The following TMEM232 variants were observed in gnomAD, a reference collection of about 807,000 sequenced individuals.
The protein encoded by TMEM232 is transmembrane protein 232.
In TMEM232, 80 loss-of-function variants were observed where a neutral mutation model predicts 78.8. That is an observed-to-expected ratio of 1.01 (90% CI 0.85 to 1.22). TMEM232 has a LOEUF of 1.22. Among genes scored for constraint, TMEM232 ranks in the 50% most tolerant of loss-of-function variants. The probability of loss-of-function intolerance (pLI) is 0.00; values close to 1 mark genes in which losing one functional copy is unlikely to be tolerated. For synonymous variants in TMEM232, 297 were observed against 254.3 expected, an observed-to-expected ratio of 1.17 and a Z score of -1.60; for missense variants, 881 against 742.2, an observed-to-expected ratio of 1.19 and a Z score of -2.17.
intron 10 of TMEM232, among the ~76,000 whole-genome samples, chr5:110,602,295 T>C (rs1781011344): frequency 6.6e-6 from 1 of 151,792 alleles, no homozygotes; most frequent in African/African-American, 2.4e-5. Flanking sequence ...AATTGACAAA[T>C]GGGATCTAAT....
intron 11 of TMEM232, among the ~76,000 whole-genome samples, chr5:110,559,857 C>T (rs530436157): frequency 3.3e-4 from 50 of 152,226 alleles, no homozygotes; most frequent in African/African-American, 1.1e-3. Flanking sequence ...TCTCTTCTAG[C>T]TTCTAGTGAT....
intron 12 of TMEM232, among the ~76,000 whole-genome samples, chr5:110,458,554 G>A (rs999170394): frequency 1.3e-5 from 2 of 152,082 alleles, no homozygotes; most frequent in African/African-American, 2.4e-5. Flanking sequence ...TGAAACTACG[G>A]CACTAAGCCT....
At chr5:110,611,231 A>C (rs1235136581) in intron 8 of TMEM232, among the ~76,000 whole-genome samples, 1 of 152,176 alleles carries the variant, frequency 6.6e-6, no homozygotes, top group Non-Finnish European at 1.5e-5. Flanking sequence ...GTTACTGCAC[A>C]TGGAGAAGAG....
At chr5:110,710,669 T>C (rs926236848) in intron 1 of TMEM232, among the ~76,000 whole-genome samples, 1 of 152,072 alleles carries the variant, frequency 6.6e-6, no homozygotes, top group African/African-American at 2.4e-5. Flanking sequence ...ATTGGTGAGA[T>C]GATTGATAAA....
intron 10 of TMEM232, among the ~76,000 whole-genome samples, chr5:110,593,168 C>T (rs1254932062): frequency 6.6e-6 from 1 of 152,102 alleles, no homozygotes; most frequent in African/African-American, 2.4e-5. Flanking sequence ...AGGAAGAAAG[C>T]TCACATAATA....
chr5:110,683,652 C>G (rs369543082), intron 1 of TMEM232, among the ~76,000 whole-genome samples: 1 of 151,382 alleles, frequency 6.6e-6, no homozygotes, highest in African/African-American at 2.4e-5. Context: ...TATTATTATG[C>G]CTTTTTAGAG....
intron 12 of TMEM232, among the ~76,000 whole-genome samples, chr5:110,490,189 GAAA>G (rs1764925907): frequency 1.4e-5 from 2 of 141,774 alleles, no homozygotes; most frequent in Non-Finnish European, 3.1e-5. Flanking sequence ...AAGAAAGAAA[GAAA>G]AAGTTAATTG....
chr5:110,587,051 T>G (rs1350093390), intron 10 of TMEM232, among the ~76,000 whole-genome samples: 1 of 152,096 alleles, frequency 6.6e-6, no homozygotes, highest in Non-Finnish European at 1.5e-5. Flanking sequence ...AAAGCAGTAT[T>G]AGACAAATGT....
intron 12 of TMEM232, among the ~76,000 whole-genome samples, chr5:110,524,420 GA>G (rs200515016): frequency 9.9e-4 from 116 of 117,214 alleles, no homozygotes; most frequent in South Asian, 2.8e-3. Flanking sequence ...AGAAAGAAAA[GA>G]AAAGAAAAGA....
chr5:110,590,984 GGA>G (rs199972232), intron 10 of TMEM232, among the ~76,000 whole-genome samples: 5,163 of 152,188 alleles, frequency 0.034, 131 homozygotes, highest in African/African-American at 0.065. Context: ...CTAGACACAT[GGA>G]GATTATAGGT....
chr5:110,650,904 C>A (rs1788212205), intron 2 of TMEM232, among the ~76,000 whole-genome samples: 2 of 152,016 alleles, frequency 1.3e-5, no homozygotes, highest in South Asian at 4.1e-4. Context: ...AAACTGAGTG[C>A]AGGGTATAGG....
At chr5:110,591,069 G>A (rs899929051) in intron 10 of TMEM232, among the ~76,000 whole-genome samples, 2 of 152,120 alleles carry the variant, frequency 1.3e-5, no homozygotes, top group African/African-American at 4.8e-5. Context: ...CATATCAGGA[G>A]TCATTATTTT....
chr5:110,557,875 T>C (rs1775294521), intron 11 of TMEM232, among the ~76,000 whole-genome samples: 1 of 152,184 alleles, frequency 6.6e-6, no homozygotes, highest in African/African-American at 2.4e-5. Context: ...CTCTGGCTTT[T>C]TGAGTTGCCA....
chr5:110,395,676 T>C (rs1432603573), intron 3 of TMEM232, among the ~76,000 whole-genome samples: 1 of 152,192 alleles, frequency 6.6e-6, no homozygotes, highest in East Asian at 1.9e-4. Context: ...TTCTACATCC[T>C]GAGCGGAAAC....
At chr5:110,542,885 C>A (rs568389009) in intron 11 of TMEM232, among the ~76,000 whole-genome samples, 1 of 152,174 alleles carries the variant, frequency 6.6e-6, no homozygotes, top group East Asian at 1.9e-4. Context: ...TGATCGTGGG[C>A]CACTACTTCA....
chr5:110,612,078 G>A (rs1489842215), intron 8 of TMEM232, among the ~76,000 whole-genome samples: 2 of 152,152 alleles, frequency 1.3e-5, no homozygotes, highest in East Asian at 3.9e-4. Context: ...TAGTATCCAG[G>A]GAAGATCTAC....
chr5:110,572,964 G>A (rs918619774), intron 10 of TMEM232, among the ~76,000 whole-genome samples: 1 of 152,020 alleles, frequency 6.6e-6, no homozygotes, highest in Non-Finnish European at 1.5e-5. Context: ...GCACTCTTCT[G>A]TTCTGCTTTG....
At chr5:110,411,033 G>T (rs1396694042) in intron 2 of TMEM232, among the ~76,000 whole-genome samples, 1 of 152,160 alleles carries the variant, frequency 6.6e-6, no homozygotes, top group Non-Finnish European at 1.5e-5. Context: ...GATAGGGGAT[G>T]AGAAGTATCC....
chr5:110,429,808 T>G (rs908651076), intron 12 of TMEM232: 1 of 151,782 alleles, frequency 6.6e-6, no homozygotes, highest in Non-Finnish European at 1.5e-5. Context: ...CTTTTTGAGA[T>G]TCATCATAGA....
Sources: gnomAD v4.1 joint callset for allele counts (sites outside exome capture counted in the v4.1 genomes callset) on GRCh38, gnomAD v4.1.1 for gene constraint, MANE v1.5 for transcripts, NCBI Gene and HGNC (gene_info 2026-07-23, HGNC 2026-07-21) for gene names.